The following ITGA6 variants were observed in gnomAD, a reference collection of about 807,000 sequenced individuals.
ITGA6 encodes the protein integrin subunit alpha 6.
A neutral mutation model predicts 133.6 loss-of-function variants in ITGA6; 63 were observed. The ratio of observed to expected loss-of-function variants is 0.47; its 90% CI spans 0.38 to 0.58. The LOEUF is 0.58. Ranked by LOEUF, ITGA6 falls within the 20% of genes least tolerant of loss-of-function variation. The pLI, the probability that ITGA6 is intolerant of heterozygous loss-of-function variation, is 0.00. For synonymous variants in ITGA6, 434 were observed against 482.0 expected (o/e 0.90, Z 1.30); for missense variants, 1,068 against 1,309.4 (o/e 0.82, Z 2.85).
At chr2:172,446,697 G>A (rs1448216568) in intron 1 of ITGA6, among the ~76,000 whole-genome samples, 2 of 152,176 alleles carry the variant, frequency 1.3e-5, no homozygotes, top group Non-Finnish European at 2.9e-5. Flanking sequence ...AGAAGCACAG[G>A]AAATGATTAA....
intron 1 of ITGA6, among the ~76,000 whole-genome samples, chr2:172,430,045 G>T (rs573246332): frequency 6.6e-6 from 1 of 152,178 alleles, no homozygotes; most frequent in Non-Finnish European, 1.5e-5. Flanking sequence ...AACTCAGTGG[G>T]GGTCTTTCAG....
Position 172,479,724 on chromosome 2 carries a change from C to T in ITGA6, c.1472C>T (p.Ala491Val), listed in dbSNP as rs1324522757. ...IDLRQKTACGAPSGICLQVKS... is the reference protein window; with the variant it reads ...IDLRQKTACGVPSGICLQVKS... Reference sequence around the variant, plus strand: ...CTCCGCCAGAAAACAGCGTGTGGGGCGCCTAGTGGGATATGGTGAGCATCC... The same window carrying T: ...CTCCGCCAGAAAACAGCGTGTGGGGTGCCTAGTGGGATATGGTGAGCATCC... The change falls in exon 10 of 26, where the codon GCG (alanine) becomes GTG (valine). Residue 491 changes from alanine to valine, a missense_variant. This residue lies in a region of ITGA6 where 609 missense variants were observed against 707.2 expected (regional missense o/e 0.86). Coordinates refer to ENST00000684293, the MANE Select transcript of ITGA6 (RefSeq NM_000210.4). 6.2e-6 allele frequency: 10 copies of T among 1,613,468 alleles called. No individual in the cohort carries two copies. Among genetic ancestry groups the T allele is most frequent in the East Asian group, 4.5e-5 (2 of 44,868 alleles).
chr2:172,486,903 A>C, intron 13 of ITGA6, 120 bp from the exon 14 acceptor site: 1 of 707,866 alleles, frequency 1.4e-6, no homozygotes, highest in Non-Finnish European at 2.6e-6. Context: ...TAAAGCTTGA[A>C]TTCTGCATTG....
At chr2:172,429,924 G>T (rs2148988970) in intron 1 of ITGA6, among the ~76,000 whole-genome samples, 1 of 152,268 alleles carries the variant, frequency 6.6e-6, no homozygotes, top group East Asian at 1.9e-4. Flanking sequence ...GCACACACAG[G>T]CCATAGCACA....
intron 7 of ITGA6, 43 bp from the exon 8 acceptor site, chr2:172,475,554 C>G: frequency 9.7e-7 from 1 of 1,030,660 alleles, no homozygotes; most frequent in Non-Finnish European, 1.5e-6. Context: ...TAGAGTGTTT[C>G]TAAAGCGTTT....
chr2:172,480,907 C>G (rs1029380676), intron 11 of ITGA6: 4 of 152,148 alleles, frequency 2.6e-5, no homozygotes, highest in African/African-American at 9.7e-5. Context: ...TAGTGGCCGT[C>G]GTAAGCTCTC....
At chr2:172,489,145 C>G (rs575208180) in intron 19 of ITGA6, among the ~76,000 whole-genome samples, 1 of 152,270 alleles carries the variant, frequency 6.6e-6, no homozygotes, top group East Asian at 1.9e-4. Context: ...ATTGGCCAAG[C>G]AGGGTGGTTA....
At chr2:172,428,964 G>A (rs1211565081) in intron 1 of ITGA6, among the ~76,000 whole-genome samples, 4 of 152,208 alleles carry the variant, frequency 2.6e-5, no homozygotes, top group Admixed American at 6.5e-5. Flanking sequence ...ATAGGCTGTA[G>A]CAACAAAAGG....
rs1686599062 is a variant in ITGA6 at position 172,484,924 on chromosome 2, G to C, written c.1692G>C (p.Glu564Asp). 1 of 1,614,056 alleles carries C rather than the reference G, an allele frequency of 6.2e-7. No homozygotes were observed. Among genetic ancestry groups the C allele is most frequent in the Non-Finnish European group, 8.5e-7 (1 of 1,180,026 alleles). ...LKRQKQKVCM[E>D]ETLWLQDNIR... is the part of the protein sequence containing the mutation. ...GGCAGAAACAGAAAGTGTGCATGGA[G>C]GAAACCCTGTGGCTACAGGTGAGGG... The change falls in exon 12 of 26, where the codon GAG becomes GAC. Residue 564 changes from glutamate (E) to aspartate (D), a missense_variant. Around this residue, in one of 3 missense-constraint regions of ITGA6, gnomAD observed 609 missense variants for 707.2 expected, o/e 0.86. Transcript: ENST00000684293.
At chr2:172,444,856 A>G (rs1399097962) in intron 1 of ITGA6, among the ~76,000 whole-genome samples, 1 of 151,968 alleles carries the variant, frequency 6.6e-6, no homozygotes, top group Non-Finnish European at 1.5e-5. Context: ...GTGCTCGCTA[A>G]TTGGTTCCCA....
At chr2:172,474,700 T>C (rs1266898335) in intron 6 of ITGA6, among the ~76,000 whole-genome samples, 5 of 152,230 alleles carry the variant, frequency 3.3e-5, no homozygotes, top group Non-Finnish European at 7.3e-5. Context: ...GGAGTCCTGC[T>C]GTACTATGGT....
chr2:172,478,515 G>A (rs1035282909), intron 9 of ITGA6, among the ~76,000 whole-genome samples: 1 of 152,112 alleles, frequency 6.6e-6, no homozygotes, highest in Non-Finnish European at 1.5e-5. Flanking sequence ...TCAACCCACC[G>A]CATACCTGCA....
chr2:172,452,486 TG>T (rs1313473543), intron 1 of ITGA6, among the ~76,000 whole-genome samples: 2 of 152,154 alleles, frequency 1.3e-5, no homozygotes, highest in African/African-American at 4.8e-5. Context: ...TTTTGGAGAA[TG>T]GGCAGCATTT....
chr2:172,450,820 GTA>G (rs951526084), intron 1 of ITGA6, among the ~76,000 whole-genome samples: 1 of 141,240 alleles, frequency 7.1e-6, no homozygotes, highest in Non-Finnish European at 1.5e-5. Context: ...GTATGTATGT[GTA>G]TATATATATA....
At chr2:172,499,304 G>A (rs1000503042) in intron 24 of ITGA6, among the ~76,000 whole-genome samples, 9 of 152,066 alleles carry the variant, frequency 5.9e-5, no homozygotes, top group Admixed American at 2.6e-4. Context: ...CGGGCAGTAG[G>A]TTCCTCTGGC....
At chr2:172,428,260 T>G (rs576156784) in intron 1 of ITGA6, 8 of 172,574 alleles carry the variant, frequency 4.6e-5, no homozygotes, top group Non-Finnish European at 8.5e-5. Flanking sequence ...CGCCGGTTCT[T>G]CCCTCCGGGC....
At chr2:172,441,320 GT>G in intron 1 of ITGA6, among the ~76,000 whole-genome samples, 1 of 152,204 alleles carries the variant, frequency 6.6e-6, no homozygotes, top group East Asian at 1.9e-4. Context: ...GAAGGCAGGG[GT>G]TTGGGTCTGA....
At chr2:172,454,317 C>T (rs1053069787) in intron 1 of ITGA6, among the ~76,000 whole-genome samples, 14 of 151,912 alleles carry the variant, frequency 9.2e-5, no homozygotes, top group African/African-American at 2.7e-4. Flanking sequence ...CTCCTGACCT[C>T]GTGATCCACC....
intron 1 of ITGA6, among the ~76,000 whole-genome samples, chr2:172,429,217 A>C (rs563340025): frequency 1.6e-4 from 24 of 152,066 alleles, no homozygotes; most frequent in African/African-American, 5.5e-4. Context: ...TGAAGCACAG[A>C]AATTAGCTGG....
Sources: gnomAD v4.1 joint callset for allele counts (sites outside exome capture counted in the v4.1 genomes callset) on GRCh38, gnomAD v4.1.1 for gene constraint, gnomAD v4.1.1 regional missense constraint, MANE v1.5 for transcripts, NCBI Gene and HGNC (gene_info 2026-07-23, HGNC 2026-07-21) for gene names.